SLC24A2: variants seen among roughly 807,000 people sequenced by gnomAD.
SLC24A2 encodes solute carrier family 24 member 2.
In SLC24A2, 36 loss-of-function variants were observed where a neutral mutation model predicts 62.0. The observed-to-expected ratio is 0.58, with a 90% CI of 0.44 to 0.77. SLC24A2 has a LOEUF of 0.77. Among genes scored for constraint, SLC24A2 ranks in the 30% least tolerant of loss-of-function variants. The pLI, the probability that SLC24A2 is intolerant of heterozygous loss-of-function variation, is 0.00. For synonymous variants in SLC24A2, 358 were observed against 294.0 expected, an observed-to-expected ratio of 1.22 and a Z score of -2.23; for missense variants, 846 against 817.9, an observed-to-expected ratio of 1.03 and a Z score of -0.42.
At chr9:20,233,548 C>A in the SLC24A2 span, among the ~76,000 whole-genome samples, 2 of 152,148 alleles carry the variant, frequency 1.3e-5, no homozygotes, top group Admixed American at 6.6e-5. Flanking sequence ...AGGATTGCAA[C>A]CCCTGCCTTT....
At chr9:19,982,579 G>C in the SLC24A2 span, among the ~76,000 whole-genome samples, 1 of 152,122 alleles carries the variant, frequency 6.6e-6, no homozygotes, top group Non-Finnish European at 1.5e-5. Context: ...GATTAGACTG[G>C]CTTCACTGGC....
At position 19,550,185 on chromosome 9, in the gene SLC24A2, G is replaced by T; in HGVS notation, c.1431C>A (p.Phe477Leu). The change falls in exon 8 of 11, where the codon TTC becomes TTA. Residue 477 changes from phenylalanine to leucine, a missense_variant. Coordinates refer to ENST00000341998, the MANE Select transcript of SLC24A2 (RefSeq NM_020344.4). ...TRKQVTFLIV[F>L]PIVFPLWITL... ...TAATCCAGAGAGGAAACACTATGGG[G>T]AAAACAATCAGAAACGTGACTTGCT... 6.2e-7 allele frequency: 1 copy of T among 1,614,134 alleles called. No individual in the cohort carries two copies. Among genetic ancestry groups the T allele is most frequent in the South Asian group, 1.1e-5 (1 of 91,076 alleles).
chr9:20,242,398 T>C, the SLC24A2 span, among the ~76,000 whole-genome samples: 1 of 152,236 alleles, frequency 6.6e-6, no homozygotes, highest in Non-Finnish European at 1.5e-5. Context: ...CAAGGTTGAA[T>C]GCTTCCTATC....
At chr9:20,212,069 C>A in the SLC24A2 span, among the ~76,000 whole-genome samples, 4 of 148,506 alleles carry the variant, frequency 2.7e-5, no homozygotes, top group Non-Finnish European at 5.9e-5. Flanking sequence ...TTCCCTATTA[C>A]AAAAGAATTC....
the SLC24A2 span, among the ~76,000 whole-genome samples, chr9:20,277,569 T>C: frequency 6.6e-6 from 1 of 151,978 alleles, no homozygotes; most frequent in Non-Finnish European, 1.5e-5. Context: ...ATGGCAATCA[T>C]TAAAAAGTCA....
chr9:19,895,894 C>G, the SLC24A2 span: 6 of 1,613,446 alleles, frequency 3.7e-6, no homozygotes, highest in Non-Finnish European at 4.2e-6. Context: ...TGTGATGCGC[C>G]GGGCAGGGTC....
At chr9:19,745,337 C>T (rs1244346522) in intron 2 of SLC24A2, among the ~76,000 whole-genome samples, 1 of 152,132 alleles carries the variant, frequency 6.6e-6, no homozygotes, top group Non-Finnish European at 1.5e-5. Context: ...TCATGCAATG[C>T]AAATAGACTA....
chr9:19,765,591 T>C (rs948524754), intron 2 of SLC24A2, among the ~76,000 whole-genome samples: 1 of 152,174 alleles, frequency 6.6e-6, no homozygotes, highest in African/African-American at 2.4e-5. Context: ...TCTGGGTTGA[T>C]AATTCTTTTC....
chr9:19,792,272 T>A (rs1053345027), upstream of SLC24A2, among the ~76,000 whole-genome samples: 2 of 152,158 alleles, frequency 1.3e-5, no homozygotes, highest in African/African-American at 4.8e-5. Context: ...ATTTCAGGAA[T>A]TTTTAAAGAA....
the SLC24A2 span, among the ~76,000 whole-genome samples, chr9:19,831,411 C>A: frequency 3.9e-5 from 6 of 152,138 alleles, no homozygotes; most frequent in African/African-American, 1.4e-4. Flanking sequence ...CTTTAACTAT[C>A]CTTTCCACAT....
At chr9:19,823,250 G>A in the SLC24A2 span, among the ~76,000 whole-genome samples, 13 of 152,026 alleles carry the variant, frequency 8.6e-5, no homozygotes, top group African/African-American at 3.1e-4. Context: ...TGCAAGAATA[G>A]TGCAAAGAAT....
At chr9:19,807,927 A>G in the SLC24A2 span, among the ~76,000 whole-genome samples, 8 of 152,206 alleles carry the variant, frequency 5.3e-5, no homozygotes, top group Non-Finnish European at 1.2e-4. Flanking sequence ...GAAACATCTT[A>G]TCTTTAAGGT....
the SLC24A2 span, among the ~76,000 whole-genome samples, chr9:20,177,903 C>T: frequency 1.3e-5 from 2 of 152,004 alleles, no homozygotes; most frequent in African/African-American, 2.4e-5. Flanking sequence ...CGGAGATTGC[C>T]GAGGGGACAC....
chr9:20,107,011 C>G, the SLC24A2 span, among the ~76,000 whole-genome samples: 1 of 152,150 alleles, frequency 6.6e-6, no homozygotes, highest in Non-Finnish European at 1.5e-5. Context: ...TCTCAGGATA[C>G]AAAATCAATG....
chr9:19,716,004 A>T (rs1027076789), intron 2 of SLC24A2, among the ~76,000 whole-genome samples: 1 of 152,214 alleles, frequency 6.6e-6, no homozygotes, highest in East Asian at 1.9e-4. Context: ...CAGCTTTAAC[A>T]ATATATGGGC....
intron 8 of SLC24A2, among the ~76,000 whole-genome samples, chr9:19,541,405 C>T (rs201079144): frequency 2.6e-5 from 4 of 151,948 alleles, no homozygotes; most frequent in Admixed American, 6.6e-5. Flanking sequence ...CCTTTCTGGT[C>T]GTTAGTTTTC....
chr9:19,961,098 GGA>G, the SLC24A2 span, among the ~76,000 whole-genome samples: 9 of 145,494 alleles, frequency 6.2e-5, no homozygotes, highest in African/African-American at 2.0e-4. Flanking sequence ...AGAGAAGAAA[GGA>G]GAGAGAGACA....
At chr9:19,985,254 A>G in the SLC24A2 span, among the ~76,000 whole-genome samples, 1 of 152,222 alleles carries the variant, frequency 6.6e-6, no homozygotes, top group Non-Finnish European at 1.5e-5. Context: ...GTACAAGAGA[A>G]ATAAAGACAT....
chr9:20,049,654 G>T, the SLC24A2 span, among the ~76,000 whole-genome samples: 2 of 152,130 alleles, frequency 1.3e-5, no homozygotes, highest in Non-Finnish European at 2.9e-5. Context: ...AATATGTTAA[G>T]TATTAAGATA....
Sources: gnomAD v4.1 joint callset for allele counts (sites outside exome capture counted in the v4.1 genomes callset) on GRCh38, gnomAD v4.1.1 for gene constraint, MANE v1.5 for transcripts, NCBI Gene and HGNC (gene_info 2026-07-23, HGNC 2026-07-21) for gene names.